WDFY3: variants seen among roughly 807,000 people sequenced by gnomAD.
WDFY3 encodes WD repeat and FYVE domain containing 3, also known as WD repeat and FYVE domain-containing protein 3.
Under a neutral mutation model 409.6 loss-of-function variants are expected in WDFY3, and 66 were observed. That is an observed-to-expected ratio of 0.16 (90% CI 0.13 to 0.20). WDFY3 has a LOEUF of 0.20. WDFY3 is among the 10% of genes least tolerant of loss of function. WDFY3 has a pLI of 1.00. For synonymous variants in WDFY3, 1,521 were observed against 1,537.1 expected, an observed-to-expected ratio of 0.99 and a Z score of 0.25; for missense variants, 3,031 against 4,298.1, an observed-to-expected ratio of 0.71 and a Z score of 8.24.
chr4:84,826,864 C>A lies in WDFY3; in HGVS notation c.1074G>T (p.Gly358=), dbSNP rs769371040. ...SELKPAGITT[G]APFLLPGFAV... is the part of the protein sequence containing the mutation. Reference sequence around the variant, plus strand: ...CAAATCCAGGCAATAAAAAGGGTGCCCCTGTGGTAATACCAGCTGGTTTTA... The same window carrying A: ...CAAATCCAGGCAATAAAAAGGGTGCACCTGTGGTAATACCAGCTGGTTTTA... Residue 358 remains glycine (G), a synonymous_variant, in exon 10 of 68, where the codon GGG becomes GGT. Transcript: ENST00000295888. 6.2e-7 allele frequency: 1 copy of A among 1,609,632 alleles called. No homozygotes were observed. The highest frequency in any genetic ancestry group is 1.1e-5 in the South Asian group (1 of 90,374).
In WDFY3 at chr4:84,786,131, C is replaced by T. The variant is rs746375725; in HGVS notation, c.3910G>A (p.Ala1304Thr). The change falls in exon 24 of 68, where the codon GCA becomes ACA. Residue 1304 changes from alanine to threonine, a missense_variant. Physicochemically the swap from Ala to Thr is moderately conservative, Grantham distance 58. Coordinates refer to ENST00000295888, the MANE Select transcript of WDFY3 (RefSeq NM_014991.6). ...GATGGCACCACCCCTTCGGATTTTG[C>T]ATCTTTACCTTCAAAAGAAGAATAA... The part of the protein sequence containing the change: ...FQAVCMPCKD[A>T]KSEGVVPSPV... 3.8e-6 allele frequency: 6 copies of T among 1,595,822 alleles called. No individual in the cohort carries two copies. The African/African-American group carries it at 8.1e-5, about 22-fold the overall frequency.
chr4:84,894,877 G>T (rs546955541), intron 3 of WDFY3, among the ~76,000 whole-genome samples: 235 of 151,638 alleles, frequency 1.5e-3, no homozygotes, highest in Middle Eastern at 3.4e-3. Flanking sequence ...TTGAACCTGG[G>T]GGGAGGAGAT....
intron 5 of WDFY3, among the ~76,000 whole-genome samples, chr4:84,846,600 A>C (rs936377738): frequency 6.7e-5 from 10 of 148,928 alleles, no homozygotes; most frequent in African/African-American, 2.5e-4. Context: ...ATTTTTTCCT[A>C]ATCTAGTATG....
At position 84,755,270 on chromosome 4, in the gene WDFY3, G is replaced by A; in HGVS notation, c.5555C>T (p.Thr1852Ile). ...TGGGCATTTGAGTGAACTTACTGAA[G>A]TCAGCATGCTGCGGAGCATTCCCAA... ...LLLGMLRSML[T>I]SPWQSEEEGS... Residue 1852 changes from threonine (T) to isoleucine (I), a missense_variant, in exon 34 of 68, where the codon ACT (threonine) becomes ATT (isoleucine). By Grantham distance (89) the Thr-to-Ile change is moderately conservative. Coordinates refer to ENST00000295888, the MANE Select transcript of WDFY3 (RefSeq NM_014991.6). 1 of 1,612,652 alleles carries A rather than the reference G, an allele frequency of 6.2e-7. No individual in the cohort carries two copies. The highest frequency in any genetic ancestry group is 8.5e-7 in the Non-Finnish European group (1 of 1,179,578).
chr4:84,697,901 C>T (rs1730390682), intron 56 of WDFY3, among the ~76,000 whole-genome samples: 1 of 152,020 alleles, frequency 6.6e-6, no homozygotes, highest in Admixed American at 6.6e-5. Context: ...CATTGCTAGT[C>T]GATGGTTTAT....
At chr4:84,731,604 T>C (rs1578283619) in intron 44 of WDFY3, among the ~76,000 whole-genome samples, 1 of 152,208 alleles carries the variant, frequency 6.6e-6, no homozygotes, top group Non-Finnish European at 1.5e-5. Context: ...ATCTGGTGCA[T>C]ACTTATTTAT....
At chr4:84,955,221 AGGGAGC>A (rs370328227) in intron 1 of WDFY3, among the ~76,000 whole-genome samples, 1,889 of 152,068 alleles carry the variant, frequency 0.012, 51 homozygotes, top group African/African-American at 0.042. Flanking sequence ...AAAAACAAAA[AGGGAGC>A]GGGAGCTCCC....
At chr4:84,833,726 C>G (rs1232956503) in intron 7 of WDFY3, among the ~76,000 whole-genome samples, 30 of 134,082 alleles carry the variant, frequency 2.2e-4, no homozygotes, top group African/African-American at 5.1e-4. Context: ...CAGAAGAGAA[C>G]AGAAGAGAAC....
intron 2 of WDFY3, among the ~76,000 whole-genome samples, chr4:84,906,661 T>G (rs768261733): frequency 5.3e-5 from 8 of 152,206 alleles, no homozygotes; most frequent in Non-Finnish European, 8.8e-5. Flanking sequence ...CCTGTATACT[T>G]TAAATCATGC....
At chr4:84,814,718 C>T (rs1240354707) in intron 13 of WDFY3, among the ~76,000 whole-genome samples, 1 of 152,122 alleles carries the variant, frequency 6.6e-6, no homozygotes, top group African/African-American at 2.4e-5. Flanking sequence ...AGTAGTGACA[C>T]TGGCATATTG....
At chr4:84,906,771 ATT>A (rs574300152) in intron 2 of WDFY3, among the ~76,000 whole-genome samples, 157 of 136,830 alleles carry the variant, frequency 1.1e-3, no homozygotes, top group African/African-American at 2.3e-3. Flanking sequence ...ATATTTTGTG[ATT>A]TTTTTTTTTT....
At chr4:84,821,682 C>T in intron 10 of WDFY3, 131 bp from the exon 11 acceptor site, 1 of 756,434 alleles carries the variant, frequency 1.3e-6, no homozygotes, top group Non-Finnish European at 2.0e-6. Flanking sequence ...CCTGTTTTCA[C>T]AAAAGGTCTT....
At chr4:84,751,193 C>A in intron 36 of WDFY3, 1 of 434,186 alleles carries the variant, frequency 2.3e-6, no homozygotes, top group Admixed American at 3.5e-5. Flanking sequence ...ACCGTATGGC[C>A]CACAAGCTTA....
At chr4:84,692,797 G>A (rs746941223) in intron 59 of WDFY3, 88 bp downstream of exon 59, 86 of 1,336,528 alleles carry the variant, frequency 6.4e-5, no homozygotes, top group Non-Finnish European at 7.6e-5. Context: ...TTATGCTATC[G>A]TCAAAAAGCA....
At chr4:84,721,593 G>A (rs1274911985) in intron 46 of WDFY3, 21 bp from the exon 47 acceptor site, 2 of 1,600,234 alleles carry the variant, frequency 1.2e-6, no homozygotes, top group Admixed American at 3.3e-5. Context: ...ATAACCAAGA[G>A]GGCCATGTGG....
At chr4:84,687,453 A>G (rs111625733) in intron 62 of WDFY3, among the ~76,000 whole-genome samples, 5,291 of 152,232 alleles carry the variant, frequency 0.035, 94 homozygotes, top group South Asian at 0.05. Context: ...AATTTCTAAC[A>G]TTCTTAACAA....
At chr4:84,939,579 T>C (rs1271858257) in intron 1 of WDFY3, among the ~76,000 whole-genome samples, 1 of 152,194 alleles carries the variant, frequency 6.6e-6, no homozygotes, top group East Asian at 1.9e-4. Flanking sequence ...TTCTCCTCTA[T>C]TCATTCACTT....
chr4:84,884,802 C>A (rs1763974173), intron 3 of WDFY3, among the ~76,000 whole-genome samples: 1 of 152,040 alleles, frequency 6.6e-6, no homozygotes, highest in Non-Finnish European at 1.5e-5. Context: ...TAATCAGAAC[C>A]AAACATGTGA....
intron 30 of WDFY3, among the ~76,000 whole-genome samples, chr4:84,770,371 T>C (rs1308912852): frequency 2.0e-5 from 3 of 152,150 alleles, no homozygotes; most frequent in Admixed American, 2.0e-4. Context: ...ACTGCACAGA[T>C]AGTAGACTAC....
Sources: gnomAD v4.1 joint callset for allele counts (sites outside exome capture counted in the v4.1 genomes callset) on GRCh38, gnomAD v4.1.1 for gene constraint, MANE v1.5 for transcripts, NCBI Gene and HGNC (gene_info 2026-07-23, HGNC 2026-07-21) for gene names.